The following CCDC39 variants were observed in gnomAD, a reference collection of about 807,000 sequenced individuals.
The protein encoded by CCDC39 is coiled-coil domain-containing protein 39.
In CCDC39, 113 loss-of-function variants were observed where a neutral mutation model predicts 121.0. The observed-to-expected ratio is 0.93, with a 90% CI of 0.80 to 1.09. The LOEUF is 1.09. Among genes scored for constraint, CCDC39 ranks in the 50% least tolerant of loss-of-function variants. CCDC39 has a pLI of 0.00. For missense variants in CCDC39, 1,063 were observed against 1,074.7 expected (o/e 0.99, Z 0.15); for synonymous variants, 349 against 352.2 (o/e 0.99, Z 0.10).
intron 14 of CCDC39, among the ~76,000 whole-genome samples, chr3:180,628,543 T>C (rs142259604): frequency 3.7e-4 from 56 of 152,304 alleles, no homozygotes; most frequent in African/African-American, 1.3e-3. Flanking sequence ...CCATCTAGTT[T>C]ATTGTATTTT....
At chr3:180,655,896 A>G (rs1204115667) in intron 6 of CCDC39, among the ~76,000 whole-genome samples, 2 of 152,200 alleles carry the variant, frequency 1.3e-5, no homozygotes, top group Non-Finnish European at 2.9e-5. Context: ...TGAATTAGAA[A>G]AAAAATTACC....
chr3:180,619,207 G>T, intron 16 of CCDC39, 52 bp downstream of exon 16: 1 of 814,638 alleles, frequency 1.2e-6, no homozygotes, highest in Non-Finnish European at 2.1e-6. Context: ...TAGCAGTAAT[G>T]ATAGTTGACT....
In CCDC39 at chr3:180,644,376, CTA is replaced by C. The variant is rs1718025576; in HGVS notation, c.1528-121_1528-120del. Reference sequence around the variant, plus strand: ...ATATACTCAGATATTTAAAATAATCCTATGTTTTATTATCTCTCTTTCTGCTA... The same window carrying C: ...ATATACTCAGATATTTAAAATAATCCTGTTTTATTATCTCTCTTTCTGCTA... On this transcript the variant is annotated intron_variant, in intron 11 of 19. Coordinates refer to ENST00000476379, the MANE Select transcript of CCDC39 (RefSeq NM_181426.2). 8.5e-6 allele frequency: 5 copies of C among 589,878 alleles called. No individual in the cohort carries two copies. In the South Asian group the frequency reaches 1.2e-4, roughly 14 times the overall value. The allele number at this position is 589,878 out of a possible 1,614,324, so 36.5% of individuals were successfully genotyped here.
chr3:180,617,456 C>T, intron 16 of CCDC39: 1 of 687,026 alleles, frequency 1.5e-6, no homozygotes, highest in Non-Finnish European at 2.7e-6. Flanking sequence ...CAGAAGAGGG[C>T]ATTGTTATCA....
At chr3:180,666,174 T>C (rs899400316) in intron 1 of CCDC39, among the ~76,000 whole-genome samples, 1 of 152,158 alleles carries the variant, frequency 6.6e-6, no homozygotes, top group Non-Finnish European at 1.5e-5. Flanking sequence ...TCCATCTCTA[T>C]GAATTTGACT....
intron 14 of CCDC39, among the ~76,000 whole-genome samples, chr3:180,630,731 A>G (rs1258723852): frequency 6.6e-6 from 1 of 152,164 alleles, no homozygotes; most frequent in African/African-American, 2.4e-5. Context: ...CACTTAATGA[A>G]TTTCCCCTTT....
intron 1 of CCDC39, among the ~76,000 whole-genome samples, chr3:180,677,466 AAGG>A (rs1712268480): frequency 6.6e-6 from 1 of 151,674 alleles, no homozygotes; most frequent in Admixed American, 6.6e-5. Flanking sequence ...AATAGGGGAA[AAGG>A]AGGTGGGAAA....
intron 12 of CCDC39, among the ~76,000 whole-genome samples, chr3:180,643,169 C>T (rs1717998270): frequency 6.6e-6 from 1 of 151,956 alleles, no homozygotes; most frequent in African/African-American, 2.4e-5. Context: ...CCATGTTAGC[C>T]AGGATGGTCT....
intron 13 of CCDC39, among the ~76,000 whole-genome samples, chr3:180,635,211 C>T (rs1395071670): frequency 6.6e-6 from 1 of 152,124 alleles, no homozygotes. Flanking sequence ...AAACCACCAC[C>T]AACATCCATT....
In CCDC39 at chr3:180,614,963, A is replaced by G. The variant is rs771010943; in HGVS notation, c.2784T>C (p.Ser928=). 12 of 1,567,118 alleles carry G rather than the reference A, an allele frequency of 7.7e-6. No homozygotes were observed. Among genetic ancestry groups the G allele is most frequent in the East Asian group, 2.3e-5 (1 of 43,126 alleles). ...TGCTCTTAACATTACTAGAGCTACT[A>G]CTAGCACTAGATGGCCTAGAAGGGC... is the stretch of plus-strand genomic sequence containing the variant. ...VGSPSRPSSA[S]SSSSNVKSKK... Residue 928 remains serine (S), a synonymous_variant, in exon 20 of 20, where the codon AGT becomes AGC. Transcript: ENST00000476379.
At chr3:180,654,727 G>A in intron 7 of CCDC39, 35 bp downstream of exon 7, 19 of 1,448,648 alleles carry the variant, frequency 1.3e-5, no homozygotes, top group Non-Finnish European at 1.8e-5. Context: ...GATTTGTCGT[G>A]AACATACAAG....
chr3:180,642,275 A>G, intron 12 of CCDC39, 74 bp from the exon 13 acceptor site: 3 of 866,274 alleles, frequency 3.5e-6, no homozygotes, highest in Non-Finnish European at 5.1e-6. Flanking sequence ...TTATTGCTAT[A>G]TAAGTAAAAC....
intron 10 of CCDC39, among the ~76,000 whole-genome samples, chr3:180,647,537 G>A (rs537631428): frequency 3.3e-5 from 5 of 152,174 alleles, no homozygotes; most frequent in African/African-American, 1.2e-4. Context: ...AAATTCACTG[G>A]ATTTACATGA....
intron 13 of CCDC39, among the ~76,000 whole-genome samples, chr3:180,631,998 T>C (rs1560084035): frequency 6.6e-6 from 1 of 152,098 alleles, no homozygotes; most frequent in East Asian, 1.9e-4. Context: ...TTTGACTGGC[T>C]CCCCTTGCTC....
chr3:180,659,752 T>C lies in CCDC39; in HGVS notation c.534A>G (p.Leu178=), dbSNP rs1390992306. 1 of 1,610,522 alleles carries C rather than the reference T, an allele frequency of 6.2e-7. No homozygotes were observed. Among genetic ancestry groups the C allele is most frequent in the Admixed American group, 1.7e-5 (1 of 59,918 alleles). The part of the protein sequence containing the change: ...DNKIRALTLQ[L]ERLTLECNQK... ...GATTACATTCCAAAGTTAGTCTTTCTAATTGCAGAGTCAGTGCCTATGATG... is the reference window on the plus strand; with the variant it reads ...GATTACATTCCAAAGTTAGTCTTTCCAATTGCAGAGTCAGTGCCTATGATG... The change falls in exon 5 of 20, where the codon TTA becomes TTG. Residue 178 remains leucine, a synonymous_variant. Transcript: ENST00000476379.
chr3:180,635,996 T>A (rs1235018741), intron 13 of CCDC39, among the ~76,000 whole-genome samples: 1 of 152,140 alleles, frequency 6.6e-6, no homozygotes, highest in African/African-American at 2.4e-5. Flanking sequence ...ACAGCCAACA[T>A]GATAGTAAAT....
rs1378125277 is a variant in CCDC39 at position 180,661,888 on chromosome 3, T to C, written c.330A>G (p.Ser110=). 1 of 1,587,364 alleles carries C rather than the reference T, an allele frequency of 6.3e-7. No homozygotes were observed. The highest frequency in any genetic ancestry group is 1.3e-5 in the African/African-American group (1 of 74,746). Residue 110 remains serine, a synonymous_variant, in exon 3 of 20, where the codon TCA becomes TCG. Transcript: ENST00000476379. ...EIQRLENEMA[S]ILEKKSDKEN... ...CTTTATCACTTTTCTTTTCCAGTAT[T>C]GAAGCCATCTCATTTTCCAGCCGTT...
At position 180,658,682 on chromosome 3, in the gene CCDC39, T is replaced by G. The variant is rs945029504; in HGVS notation, c.738+770A>C. On this transcript the variant is annotated intron_variant, in intron 6 of 19. Coordinates refer to ENST00000476379, the MANE Select transcript of CCDC39 (RefSeq NM_181426.2). ...TCCTAGGGAGGTATAACCAGTTTTG[T>G]TGATAAAATGTTGGTTACTTACAGA... Among the ~76,000 whole-genome samples the G allele has an allele frequency of 2.6e-5, 4 of 152,062 alleles. No individual in the cohort carries two copies. In the South Asian group the frequency reaches 6.2e-4, roughly 24 times the overall value.
At chr3:180,674,866 C>A (rs1712148670) in intron 1 of CCDC39, among the ~76,000 whole-genome samples, 1 of 152,148 alleles carries the variant, frequency 6.6e-6, no homozygotes, top group East Asian at 1.9e-4. Flanking sequence ...CGATATGCTG[C>A]TGGATTCGGT....
Sources: allele counts gnomAD v4.1 joint callset (sites outside exome capture counted in the v4.1 genomes callset), GRCh38; gene constraint gnomAD v4.1.1; transcripts MANE v1.5; gene names NCBI Gene and HGNC (gene_info 2026-07-23, HGNC 2026-07-21).